DHRS7: variants seen among roughly 807,000 people sequenced by gnomAD.
DHRS7 encodes dehydrogenase/reductase 7.
DHRS7 carries 34 observed loss-of-function variants against 38.9 expected under a neutral mutation model. That is an observed-to-expected ratio of 0.87 (90% confidence interval 0.66 to 1.16). DHRS7 has a LOEUF of 1.16. Among genes scored for constraint, DHRS7 ranks in the 50% most tolerant of loss-of-function variants. DHRS7 has a pLI of 0.00. For missense variants in DHRS7, 421 were observed against 407.0 expected, an observed-to-expected ratio of 1.03 and a Z score of -0.30; for synonymous variants, 158 against 153.1, an observed-to-expected ratio of 1.03 and a Z score of -0.24.
At chr14:60,159,100 T>C in intron 1 of DHRS7, 1 of 440,810 alleles carries the variant, frequency 2.3e-6, no homozygotes, top group Non-Finnish European at 4.5e-6. Flanking sequence ...TTGACATGGA[T>C]GCAGTTGATG....
intron 6 of DHRS7, chr14:60,147,642 A>G (rs538048151): frequency 3.9e-5 from 6 of 152,338 alleles, no homozygotes; most frequent in Admixed American, 6.5e-5. Flanking sequence ...AGTGCTTTTC[A>G]TATATTAAAT....
At chr14:60,168,541 A>G (rs750316667), upstream of DHRS7, 140 of 959,544 alleles carry the variant, frequency 1.5e-4, no homozygotes, top group Non-Finnish European at 2.0e-4. Context: ...CGTCTGTTCC[A>G]TCTTTGCAAC....
upstream of DHRS7, among the ~76,000 whole-genome samples, chr14:60,167,075 G>C (rs1434747894): frequency 6.6e-6 from 1 of 152,212 alleles, no homozygotes; most frequent in Non-Finnish European, 1.5e-5. Context: ...GGTGCCTATA[G>C]TCAATAATAA....
intron 2 of DHRS7, 88 bp from the exon 3 acceptor site, chr14:60,154,153 G>C: frequency 2.1e-6 from 2 of 972,958 alleles, no homozygotes; most frequent in Non-Finnish European, 3.1e-6. Flanking sequence ...CCTGCAACAG[G>C]ACTTGGCAAC....
chr14:60,168,625 A>T (rs1896895422), upstream of DHRS7: 1 of 1,474,152 alleles, frequency 6.8e-7, no homozygotes, highest in African/African-American at 1.4e-5. Context: ...ATATGCAAAT[A>T]TTTTCTTAAA....
chr14:60,152,670 C>T, intron 4 of DHRS7: 1 of 459,006 alleles, frequency 2.2e-6, no homozygotes, highest in Middle Eastern at 5.9e-4. Flanking sequence ...GCAGAGACCA[C>T]ATCTTATTAT....
At chr14:60,157,018 G>A (rs933333672) in intron 1 of DHRS7, among the ~76,000 whole-genome samples, 2 of 152,126 alleles carry the variant, frequency 1.3e-5, no homozygotes, top group African/African-American at 4.8e-5. Flanking sequence ...CAAAGTTCCT[G>A]GGTGACTTAT....
chr14:60,152,648 C>T (rs926793750), intron 4 of DHRS7: 1 of 391,714 alleles, frequency 2.6e-6, no homozygotes, highest in Non-Finnish European at 4.7e-6. Context: ...ATAGATGATA[C>T]ACTTTTTGAG....
At chr14:60,158,998 T>C in intron 1 of DHRS7, 1 of 384,628 alleles carries the variant, frequency 2.6e-6, no homozygotes, top group Non-Finnish European at 5.0e-6. Context: ...GCCTGAGGCA[T>C]CCTCCCCATC....
At chr14:60,149,015 C>T (rs990956102) in intron 6 of DHRS7, 6 of 240,150 alleles carry the variant, frequency 2.5e-5, no homozygotes, top group South Asian at 1.3e-4. Flanking sequence ...CTCTATCACC[C>T]GGGCTGGAGT....
upstream of DHRS7, chr14:60,168,731 T>G: frequency 6.4e-7 from 1 of 1,562,046 alleles, no homozygotes; most frequent in Non-Finnish European, 8.7e-7. Flanking sequence ...GAACAGAAAT[T>G]TATGGTCTCA....
chr14:60,154,892 A>C (rs1265204041), intron 2 of DHRS7, among the ~76,000 whole-genome samples: 2 of 152,100 alleles, frequency 1.3e-5, no homozygotes, highest in Non-Finnish European at 2.9e-5. Flanking sequence ...CTATCAAAAG[A>C]AGTGGCCCAG....
rs1046741020 is a variant in DHRS7 at position 60,161,619 on chromosome 14, C to T, written c.133+3558G>A. ...TTCCTCACTCTTCTGCTCACACCCA[C>T]CTGCACCAATTCTAGTTGGTTAATG... On this transcript the variant is annotated intron_variant, in intron 1 of 6. Coordinates refer to ENST00000557185, the MANE Select transcript of DHRS7 (RefSeq NM_016029.4). The surrounding 1 kb of genome is among the most constrained non-coding windows in gnomAD (Gnocchi z 4.2). Among the ~76,000 whole-genome samples, 4 of 152,190 alleles carry T rather than the reference C, an allele frequency of 2.6e-5. No homozygotes were observed. The highest frequency in any genetic ancestry group is 9.7e-5 in the African/African-American group (4 of 41,436).
At chr14:60,152,869 C>G in intron 4 of DHRS7, 70 bp downstream of exon 4, 1 of 1,558,912 alleles carries the variant, frequency 6.4e-7, no homozygotes, top group Non-Finnish European at 8.8e-7. Flanking sequence ...GGACCTCACA[C>G]AGTGATGGCC....
rs1896483363 is a variant in DHRS7 at position 60,149,385 on chromosome 14, T to A, written c.940A>T (p.Lys314Ter). 1 of 1,614,032 alleles carries A rather than the reference T, an allele frequency of 6.2e-7. No homozygotes were observed. Among genetic ancestry groups the A allele is most frequent in the Non-Finnish European group, 8.5e-7 (1 of 1,180,016 alleles). ...CTCTTAAAGTTCTCAATCCTTTTCT[T>A]CCCCATCTTGTTGGTTATCCACCAG... is the stretch of plus-strand genomic sequence containing the variant. The part of the protein sequence containing the change: ...WAWWITNKMG[K>*]KRIENFKSGV... The change falls in exon 6 of 7, where the codon AAG becomes TAG. Residue 314 changes from lysine (K) to a stop codon, truncating the protein, a stop_gained. Transcript: ENST00000557185. LOFTEE classifies it high-confidence loss of function.
At chr14:60,155,725 A>G in intron 2 of DHRS7, 2 of 253,686 alleles carry the variant, frequency 7.9e-6, no homozygotes, top group Non-Finnish European at 1.5e-5. Context: ...AAAATCTAAG[A>G]TACTTGGTCA....
At chr14:60,169,610 G>A (rs1896908427), upstream of DHRS7, 1 of 152,160 alleles carries the variant, frequency 6.6e-6, no homozygotes, top group South Asian at 2.1e-4. Context: ...CCCCCAAAAG[G>A]GGTGACCCTT....
Position 60,153,828 on chromosome 14 carries a change from C to T in DHRS7, c.393+131G>A, listed in dbSNP as rs1896600166. 1.5e-6 allele frequency: 1 copy of T among 667,464 alleles called. No individual in the cohort carries two copies. The highest frequency in any genetic ancestry group is 1.8e-5 in the African/African-American group (1 of 55,064). The allele number at this position is 667,464 out of a possible 1,614,324, so 41.3% of individuals were successfully genotyped here. On this transcript the variant is annotated intron_variant, in intron 3 of 6. Transcript: ENST00000557185. This position sits in a 1 kb window ranked among gnomAD's most constrained non-coding sequence, Gnocchi z 4.4. Reference sequence around the variant, plus strand: ...GACAAAGGCTCAGAGATTAAGGGGCCCAACTCATGGGCCCGATCTCACTGC... The same window carrying T: ...GACAAAGGCTCAGAGATTAAGGGGCTCAACTCATGGGCCCGATCTCACTGC...
At chr14:60,159,895 C>G (rs1896729433) in intron 1 of DHRS7, among the ~76,000 whole-genome samples, 1 of 152,168 alleles carries the variant, frequency 6.6e-6, no homozygotes, top group Non-Finnish European at 1.5e-5. Context: ...GCTAGAGCTT[C>G]TCATTTGTGA....
Sources: allele counts gnomAD v4.1 joint callset (sites outside exome capture counted in the v4.1 genomes callset), GRCh38; gene constraint gnomAD v4.1.1; non-coding constraint Gnocchi (gnomAD v3.1); transcripts MANE v1.5; gene names NCBI Gene and HGNC (gene_info 2026-07-23, HGNC 2026-07-21).